Variants in VSTM2B observed in about 807,000 individuals in gnomAD.
VSTM2B encodes the protein V-set and transmembrane domain-containing protein 2B.
VSTM2B carries 24 observed loss-of-function variants against 24.0 expected under a neutral mutation model. That is an observed-to-expected ratio of 1.00 (90% CI 0.72 to 1.40). VSTM2B has a LOEUF of 1.40. Ranked by LOEUF, VSTM2B falls within the 40% of genes most tolerant of loss-of-function variation. VSTM2B has a pLI of 0.00. For synonymous variants in VSTM2B, 226 were observed against 194.4 expected, an observed-to-expected ratio of 1.16 and a Z score of -1.35; for missense variants, 399 against 416.4, an observed-to-expected ratio of 0.96 and a Z score of 0.36.
Position 29,545,311 on chromosome 19 carries a change from C to T in VSTM2B, c.769+15021C>T, listed in dbSNP as rs560362039. The stretch of plus-strand genomic sequence containing the variant: ...GGGAGCAGGAGGAAATTGTGCTTTG[C>T]ATGTGAAAAGAGTACTCTGGGTCGG... On this transcript the variant is annotated intron_variant, in intron 4 of 4. Coordinates refer to ENST00000335523, the MANE Select transcript of VSTM2B (RefSeq NM_001146339.2). Among the ~76,000 whole-genome samples the T allele has an allele frequency of 5.9e-5, 9 of 152,180 alleles. No homozygotes were observed. The South Asian group carries it at 1.9e-3, about 32-fold the overall frequency.
At chr19:29,540,652 C>T (rs1970000748) in intron 4 of VSTM2B, among the ~76,000 whole-genome samples, 1 of 152,196 alleles carries the variant, frequency 6.6e-6, no homozygotes, top group African/African-American at 2.4e-5. Context: ...CTAGTTCATT[C>T]ATTCATTCAA....
chr19:29,538,575 C>A (rs34261820), intron 4 of VSTM2B, among the ~76,000 whole-genome samples: 8,857 of 152,228 alleles, frequency 0.058, 314 homozygotes, highest in Middle Eastern at 0.11. Context: ...TCAGGGAATA[C>A]CTGAGTCTGG....
Position 29,530,011 on chromosome 19 carries a change from T to C in VSTM2B, c.490T>C (p.Ser164Pro). ...PPNMQAAEAV[S>P]HIQSSGPRRH... ...CAACATGCAGGCCGCCGAGGCCGTGTCCCACATCCAGAGCAGCGGCCCGCG... is the reference window on the plus strand; with the variant it reads ...CAACATGCAGGCCGCCGAGGCCGTGCCCCACATCCAGAGCAGCGGCCCGCG... Residue 164 changes from serine to proline, a missense_variant, in exon 4 of 5, where the codon TCC (serine) becomes CCC (proline). Ser to Pro is a moderately conservative substitution (Grantham distance 74). Coordinates refer to ENST00000335523, the MANE Select transcript of VSTM2B (RefSeq NM_001146339.2). 3 of 1,539,560 alleles carry C rather than the reference T, an allele frequency of 1.9e-6. No homozygotes were observed. The highest frequency in any genetic ancestry group is 1.7e-6 in the Non-Finnish European group (2 of 1,146,042).
intron 3 of VSTM2B, chr19:29,528,991 CG>C: frequency 2.0e-6 from 2 of 985,430 alleles, no homozygotes; most frequent in Non-Finnish European, 2.4e-6. Context: ...GCGAGGGGCC[CG>C]GGTCATGGGG....
At chr19:29,548,513 C>G (rs1222505094) in intron 4 of VSTM2B, among the ~76,000 whole-genome samples, 1 of 152,248 alleles carries the variant, frequency 6.6e-6, no homozygotes, top group Non-Finnish European at 1.5e-5. Flanking sequence ...TCCTCGCTGA[C>G]TGCCTTTGAA....
intron 4 of VSTM2B, among the ~76,000 whole-genome samples, chr19:29,542,418 G>A (rs1046215125): frequency 4.6e-5 from 7 of 151,918 alleles, no homozygotes; most frequent in African/African-American, 1.7e-4. Flanking sequence ...TGAATGGATG[G>A]ATAGAAGAAT....
At chr19:29,548,736 G>A (rs867104292) in intron 4 of VSTM2B, among the ~76,000 whole-genome samples, 3 of 152,146 alleles carry the variant, frequency 2.0e-5, no homozygotes, top group Non-Finnish European at 2.9e-5. Flanking sequence ...GGGAATGTGG[G>A]AGCTAGGAGA....
At position 29,526,092 on chromosome 19, in the gene VSTM2B, G is replaced by T. The variant is rs1969554459; in HGVS notation, c.-492G>T. On this transcript the variant is annotated 5_prime_UTR_variant, in exon 1 of 5. Transcript: ENST00000335523. The surrounding 1 kb of genome is among the most constrained non-coding windows in gnomAD (Gnocchi z 4.1). ...GCGCGCCGCGGCTGAGCGCCCACTCGCCCTGCGGAAAGAGCCGCGGAGGAA... is the reference window on the plus strand; with the variant it reads ...GCGCGCCGCGGCTGAGCGCCCACTCTCCCTGCGGAAAGAGCCGCGGAGGAA... 6.6e-6 allele frequency among the ~76,000 whole-genome samples: 1 copy of T among 151,866 alleles called. No homozygotes were observed. The highest frequency in any genetic ancestry group is 1.5e-5 in the Non-Finnish European group (1 of 67,928).
In VSTM2B at chr19:29,526,245, C is replaced by T. The variant is rs1016864734; in HGVS notation, c.-339C>T. On this transcript the variant is annotated 5_prime_UTR_variant, in exon 1 of 5. Coordinates refer to ENST00000335523, the MANE Select transcript of VSTM2B (RefSeq NM_001146339.2). The surrounding 1 kb of genome is among the most constrained non-coding windows in gnomAD (Gnocchi z 4.1). The stretch of plus-strand genomic sequence containing the variant: ...CGGCCAGGGATGGGTCCCGGCGCGG[C>T]CCAGCCCCTGCCCGGCCCGCCGGGC... 3.9e-5 allele frequency among the ~76,000 whole-genome samples: 6 copies of T among 151,960 alleles called. No homozygotes were observed. Among genetic ancestry groups the T allele is most frequent in the African/African-American group, 1.4e-4 (6 of 41,392 alleles).
chr19:29,540,404 G>C (rs910406428), intron 4 of VSTM2B, among the ~76,000 whole-genome samples: 1 of 152,240 alleles, frequency 6.6e-6, no homozygotes, highest in Non-Finnish European at 1.5e-5. Context: ...TCAGAAAGGT[G>C]GGGCCAGGGT....
In VSTM2B at chr19:29,526,518, C is replaced by T; in HGVS notation, c.-66C>T. 5 of 1,338,346 alleles carry T rather than the reference C, an allele frequency of 3.7e-6. No individual in the cohort carries two copies. The highest frequency in any genetic ancestry group is 5.0e-6 in the Non-Finnish European group (5 of 1,006,876). 82.9% of individuals were successfully genotyped at this position (1,338,346 alleles called of 1,614,324 possible). On this transcript the variant is annotated 5_prime_UTR_variant, in exon 1 of 5. Coordinates refer to ENST00000335523, the MANE Select transcript of VSTM2B (RefSeq NM_001146339.2). This position sits in a 1 kb window ranked among gnomAD's most constrained non-coding sequence, Gnocchi z 4.1. ...CGTCCTAGCCCGAGCCGGAGCCGAT[C>T]CGAGCCCACGCGGCCGCCGCCTCTC...
intron 4 of VSTM2B, among the ~76,000 whole-genome samples, chr19:29,543,732 C>T (rs1355606548): frequency 1.3e-5 from 2 of 152,194 alleles, no homozygotes; most frequent in East Asian, 3.8e-4. Context: ...AAGATTGTAG[C>T]ATGGAGGTGA....
In VSTM2B at chr19:29,564,154, C is replaced by G. The variant is rs972726055; in HGVS notation, c.*220C>G. The G allele has an allele frequency of 3.8e-5, 19 of 495,734 alleles. No individual in the cohort carries two copies. Among genetic ancestry groups the G allele is most frequent in the Non-Finnish European group, 5.8e-5 (16 of 275,120 alleles). 30.7% of individuals were successfully genotyped at this position (495,734 alleles called of 1,614,324 possible). A position where few individuals can be genotyped will look rare whatever the true frequency, so the allele number is the denominator to read the frequency against. On this transcript the variant is annotated 3_prime_UTR_variant, in exon 5 of 5. Transcript: ENST00000335523. ...TAATTTGGAGTTTGGCCCATGCAGT[C>G]TGCATGGGAATCAATGATTTCTCTA...
At position 29,528,946 on chromosome 19, in the gene VSTM2B, G is replaced by T. The variant is rs555516225; in HGVS notation, c.297+484G>T. On this transcript the variant is annotated intron_variant, in intron 3 of 4. Transcript: ENST00000335523. Reference sequence around the variant, plus strand: ...TCTGGGTGCGGGGTGTTGCAGGCTTGCAGGGGACGGGGTAGGGGGTGGTTG... The same window carrying T: ...TCTGGGTGCGGGGTGTTGCAGGCTTTCAGGGGACGGGGTAGGGGGTGGTTG... 1.3e-5 allele frequency: 13 copies of T among 985,470 alleles called. No individual in the cohort carries two copies. The South Asian group carries it at 2.8e-4, about 21-fold the overall frequency. The allele number at this position is 985,470 out of a possible 1,614,324, so 61.0% of individuals were successfully genotyped here. A position where few individuals can be genotyped will look rare whatever the true frequency, so the allele number is the denominator to read the frequency against.
chr19:29,541,436 G>C (rs1970015566), intron 4 of VSTM2B, among the ~76,000 whole-genome samples: 1 of 152,106 alleles, frequency 6.6e-6, no homozygotes. Flanking sequence ...GTGAATGGAT[G>C]GGGGATGAAT....
At chr19:29,528,807 G>A in intron 3 of VSTM2B, 2 of 720,156 alleles carry the variant, frequency 2.8e-6, no homozygotes, top group Non-Finnish European at 3.4e-6. Context: ...GGGAGCGCGC[G>A]GCTGCTCGCC....
intron 4 of VSTM2B, among the ~76,000 whole-genome samples, chr19:29,562,759 A>G (rs919639270): frequency 1.3e-5 from 2 of 152,176 alleles, no homozygotes; most frequent in African/African-American, 4.8e-5. Context: ...GGCTTTCCCC[A>G]GTTGCACGGG....
At chr19:29,563,786 T>G in intron 4 of VSTM2B, 60 bp from the exon 5 acceptor site, 403 of 1,452,096 alleles carry the variant, frequency 2.8e-4, no homozygotes, top group Non-Finnish European at 3.5e-4. Context: ...TGGTCTGCTG[T>G]GAGCTCCTAG....
intron 4 of VSTM2B, among the ~76,000 whole-genome samples, chr19:29,542,482 A>G (rs1467160850): frequency 1.3e-5 from 2 of 151,170 alleles, no homozygotes; most frequent in Non-Finnish European, 2.9e-5. Context: ...GGGTGAGTAG[A>G]AGGAAGATGA....
Sources: gnomAD v4.1 joint callset for allele counts (sites outside exome capture counted in the v4.1 genomes callset) on GRCh38, gnomAD v4.1.1 for gene constraint, Gnocchi (gnomAD v3.1) non-coding constraint, MANE v1.5 for transcripts, NCBI Gene and HGNC (gene_info 2026-07-23, HGNC 2026-07-21) for gene names.